The following HSD17B6 variants were observed in gnomAD, a reference collection of about 807,000 sequenced individuals.
HSD17B6 encodes the protein hydroxysteroid 17-beta dehydrogenase 6.
HSD17B6 carries 16 observed loss-of-function variants against 26.4 expected under a neutral mutation model. The ratio of observed to expected loss-of-function variants is 0.61; its 90% CI spans 0.41 to 0.92. The LOEUF is 0.92. HSD17B6 is among the 40% of genes least tolerant of loss of function. HSD17B6 has a pLI of 0.00. For synonymous variants in HSD17B6, 139 were observed against 153.0 expected, an observed-to-expected ratio of 0.91 and a Z score of 0.68; for missense variants, 357 against 386.1, an observed-to-expected ratio of 0.92 and a Z score of 0.63.
intron 1 of HSD17B6, among the ~76,000 whole-genome samples, chr12:56,765,469 C>A (rs938598544): frequency 3.2e-4 from 49 of 152,040 alleles, no homozygotes; most frequent in African/African-American, 1.1e-3. Context: ...AACACACACA[C>A]AAAAAACCAA....
At chr12:56,777,493 T>C (rs1212262826) in intron 2 of HSD17B6, among the ~76,000 whole-genome samples, 1 of 151,778 alleles carries the variant, frequency 6.6e-6, no homozygotes, top group East Asian at 1.9e-4. Context: ...GCCTCCCAAG[T>C]AGCTGGGATT....
chr12:56,785,053 CTGTA>C (rs1210781438), intron 4 of HSD17B6, 37 bp downstream of exon 4: 1 of 1,565,758 alleles, frequency 6.4e-7, no homozygotes, highest in African/African-American at 1.4e-5. Flanking sequence ...AATGGGTACC[CTGTA>C]TTAGTCCATT....
intron 1 of HSD17B6, among the ~76,000 whole-genome samples, chr12:56,768,781 C>T (rs1194861230): frequency 1.3e-5 from 2 of 150,900 alleles, no homozygotes; most frequent in South Asian, 2.1e-4. Flanking sequence ...GGGGAGGGGG[C>T]GCAGCTGAGA....
At chr12:56,767,596 A>G (rs916935284) in intron 1 of HSD17B6, among the ~76,000 whole-genome samples, 5 of 142,052 alleles carry the variant, frequency 3.5e-5, no homozygotes, top group Non-Finnish European at 6.0e-5. Context: ...TATATTATAT[A>G]TATACACATA....
chr12:56,765,734 A>G (rs368852834), intron 1 of HSD17B6, among the ~76,000 whole-genome samples: 13 of 151,876 alleles, frequency 8.6e-5, no homozygotes, highest in African/African-American at 3.1e-4. Context: ...CTGGTCTCGA[A>G]CTCCTCAAGG....
intron 1 of HSD17B6, among the ~76,000 whole-genome samples, chr12:56,770,970 C>T (rs1463378835): frequency 6.6e-6 from 1 of 152,154 alleles, no homozygotes; most frequent in East Asian, 1.9e-4. Flanking sequence ...AGGTTGACTT[C>T]CAGCCTCCAG....
chr12:56,783,247 C>T (rs1342013673), intron 3 of HSD17B6, among the ~76,000 whole-genome samples: 20 of 147,590 alleles, frequency 1.4e-4, no homozygotes, highest in African/African-American at 2.5e-4. Context: ...ACCTCCCGGA[C>T]GGGGTGGCCG....
Position 56,784,836 on chromosome 12 carries a change from G to C in HSD17B6, c.573-17G>C. On this transcript the variant is annotated splice_polypyrimidine_tract_variant and intron_variant, in intron 3 of 4. Transcript: ENST00000322165. ...TGGTGGTGGTCTTTAATCATAACTT[G>C]TGGGGTTTTATTTCAGGCGTGAGAT... 1 of 1,610,128 alleles carries C rather than the reference G, an allele frequency of 6.2e-7. No individual in the cohort carries two copies. Among genetic ancestry groups the C allele is most frequent in the Non-Finnish European group, 8.5e-7 (1 of 1,178,874 alleles).
intron 2 of HSD17B6, 88 bp downstream of exon 2, chr12:56,774,253 G>T (rs963652829): frequency 1.2e-5 from 14 of 1,209,540 alleles, no homozygotes; most frequent in Non-Finnish European, 1.6e-5. Flanking sequence ...CTGGGGATTG[G>T]TTCAAGGACT....
intron 1 of HSD17B6, 28 bp from the exon 2 acceptor site, chr12:56,773,806 G>T (rs1954528110): frequency 6.6e-7 from 1 of 1,505,214 alleles, no homozygotes; most frequent in South Asian, 1.4e-5. Context: ...AATAAGGAAG[G>T]AATAAAATGT....
rs1286213027 is a variant in HSD17B6 at position 56,781,890 on chromosome 12, A to G, written c.314-84A>G. 4.2e-6 allele frequency: 6 copies of G among 1,420,084 alleles called. No individual in the cohort carries two copies. The African/African-American group carries it at 5.7e-5, about 13-fold the overall frequency. The allele number at this position is 1,420,084 out of a possible 1,614,324, so 88.0% of individuals were successfully genotyped here. A position where few individuals can be genotyped will look rare whatever the true frequency, so the allele number is the denominator to read the frequency against. On this transcript the variant is annotated intron_variant, in intron 2 of 4. Transcript: ENST00000322165. Reference sequence around the variant, plus strand: ...GGTGGTTAGTGGTTATGATTCCTCAAGAGTGATTCTTTCCCCACCAAAGTT... The same window carrying G: ...GGTGGTTAGTGGTTATGATTCCTCAGGAGTGATTCTTTCCCCACCAAAGTT...
intron 1 of HSD17B6, among the ~76,000 whole-genome samples, chr12:56,773,024 A>G (rs926574932): frequency 3.3e-5 from 5 of 152,194 alleles, no homozygotes; most frequent in Non-Finnish European, 5.9e-5. Flanking sequence ...AGTTCAGCCA[A>G]CATGTATAGA....
Position 56,785,988 on chromosome 12 carries a change from G to A in HSD17B6, c.736+972G>A, listed in dbSNP as rs1303656221. 6 of 982,674 alleles carry A rather than the reference G, an allele frequency of 6.1e-6. No homozygotes were observed. In the Admixed American group the frequency reaches 1.8e-4, roughly 30 times the overall value. The allele number at this position is 982,674 out of a possible 1,614,324, so 60.9% of individuals were successfully genotyped here. A position where few individuals can be genotyped will look rare whatever the true frequency, so the allele number is the denominator to read the frequency against. ...CCTGGAGGAGGAGGTAGCAGCAGCGGTGAAAAATGGGAATGACTTCTAATA... is the reference window on the plus strand; with the variant it reads ...CCTGGAGGAGGAGGTAGCAGCAGCGATGAAAAATGGGAATGACTTCTAATA... On this transcript the variant is annotated intron_variant, in intron 4 of 4. Coordinates refer to ENST00000322165, the MANE Select transcript of HSD17B6 (RefSeq NM_003725.4).
At chr12:56,769,291 G>A (rs946920365) in intron 1 of HSD17B6, among the ~76,000 whole-genome samples, 3 of 152,014 alleles carry the variant, frequency 2.0e-5, no homozygotes, top group African/African-American at 7.2e-5. Context: ...TAGTAGAGAT[G>A]GGGCTTAGTC....
intron 2 of HSD17B6, among the ~76,000 whole-genome samples, chr12:56,779,988 T>C (rs1038400253): frequency 6.6e-6 from 1 of 152,228 alleles, no homozygotes; most frequent in African/African-American, 2.4e-5. Flanking sequence ...GGCTAGTCTA[T>C]GTTAATAATT....
intron 1 of HSD17B6, among the ~76,000 whole-genome samples, chr12:56,766,115 C>T (rs1015869719): frequency 1.3e-5 from 2 of 151,920 alleles, no homozygotes; most frequent in Non-Finnish European, 2.9e-5. Context: ...ACCTTATGAC[C>T]CCCACCCCTG....
At chr12:56,765,659 T>G (rs1015942341) in intron 1 of HSD17B6, among the ~76,000 whole-genome samples, 4 of 132,066 alleles carry the variant, frequency 3.0e-5, no homozygotes, top group Non-Finnish European at 6.4e-5. Context: ...CTACAGGCAC[T>G]CCCCACCATG....
At chr12:56,781,876 G>T (rs1954721783) in intron 2 of HSD17B6, 98 bp from the exon 3 acceptor site, 1 of 1,297,446 alleles carries the variant, frequency 7.7e-7, no homozygotes, top group East Asian at 2.3e-5. Context: ...GTGGTTAGTG[G>T]TTATGATTCC....
chr12:56,777,762 A>G (rs1432716862), intron 2 of HSD17B6, among the ~76,000 whole-genome samples: 1 of 152,184 alleles, frequency 6.6e-6, no homozygotes, highest in Non-Finnish European at 1.5e-5. Flanking sequence ...TTAAAATATT[A>G]CTTCCTTCCA....
Sources: gnomAD v4.1 joint callset for allele counts (sites outside exome capture counted in the v4.1 genomes callset) on GRCh38, gnomAD v4.1.1 for gene constraint, MANE v1.5 for transcripts, NCBI Gene and HGNC (gene_info 2026-07-23, HGNC 2026-07-21) for gene names.